Variants in IL31RA observed in about 807,000 individuals in gnomAD.
IL31RA encodes the protein interleukin-31 receptor subunit alpha.
A neutral mutation model predicts 83.7 loss-of-function variants in IL31RA; 66 were observed. The observed-to-expected ratio is 0.79, with a 90% confidence interval of 0.65 to 0.97. IL31RA has a LOEUF of 0.97. IL31RA is among the 50% of genes least tolerant of loss of function. The pLI is 0.00. For missense variants in IL31RA, 798 were observed against 919.4 expected (o/e 0.87, Z 1.71); for synonymous variants, 325 against 329.0 (o/e 0.99, Z 0.13).
At chr5:55,908,698 TC>T in intron 11 of IL31RA, 2 of 1,462,938 alleles carry the variant, frequency 1.4e-6, no homozygotes, top group South Asian at 2.8e-5. Flanking sequence ...TCCCGGGAGC[TC>T]CCCGACCATC....
chr5:55,900,507 T>C (rs1400889947), intron 8 of IL31RA, among the ~76,000 whole-genome samples: 1 of 152,208 alleles, frequency 6.6e-6, no homozygotes, highest in Non-Finnish European at 1.5e-5. Flanking sequence ...TGAACTCTTC[T>C]CCCCACAAAT....
Position 55,872,515 on chromosome 5 carries a change from A to G in IL31RA, c.454+64A>G, listed in dbSNP as rs968931665. 122 of 1,194,526 alleles carry G rather than the reference A, an allele frequency of 1.0e-4. 1 individual carries two copies. The African/African-American group carries it at 1.7e-3, about 17-fold the overall frequency. The allele number at this position is 1,194,526 out of a possible 1,614,324, so 74.0% of individuals were successfully genotyped here. On this transcript the variant is annotated intron_variant, in intron 4 of 14. Transcript: ENST00000652347. ...ATGTTTACCTCCTTCTCTGTTCAAGAGGTATCTGTGGACTCAAAAGTAGGC... is the reference window on the plus strand; with the variant it reads ...ATGTTTACCTCCTTCTCTGTTCAAGGGGTATCTGTGGACTCAAAAGTAGGC...
chr5:55,922,140 G>T lies in IL31RA; in HGVS notation c.*5020G>T, dbSNP rs974703883. 6.6e-6 allele frequency among the ~76,000 whole-genome samples: 1 copy of T among 151,888 alleles called. No individual in the cohort carries two copies. The highest frequency in any genetic ancestry group is 1.5e-5 in the Non-Finnish European group (1 of 67,988). ...TCCTTTGGACACTGGGGTCAGTGGGGAGAGAGTTTGCTCCGAAGCACAAAC... is the reference window on the plus strand; with the variant it reads ...TCCTTTGGACACTGGGGTCAGTGGGTAGAGAGTTTGCTCCGAAGCACAAAC... On this transcript the variant is annotated 3_prime_UTR_variant, in exon 15 of 15. Coordinates refer to ENST00000652347, the MANE Select transcript of IL31RA (RefSeq NM_139017.7).
chr5:55,864,201 C>T (rs1456541446), intron 2 of IL31RA, among the ~76,000 whole-genome samples: 2 of 151,872 alleles, frequency 1.3e-5, no homozygotes, highest in Non-Finnish European at 2.9e-5. Context: ...CGAGTATGAG[C>T]GAAATGGGGG....
intron 2 of IL31RA, among the ~76,000 whole-genome samples, chr5:55,867,213 A>ATG (rs1365978131): frequency 3.1e-5 from 2 of 64,626 alleles, no homozygotes; most frequent in African/African-American, 1.2e-4. Flanking sequence ...GTGTGTGCGC[A>ATG]TGTGTGTTTG....
intron 2 of IL31RA, among the ~76,000 whole-genome samples, chr5:55,867,856 A>G (rs897534308): frequency 3.3e-5 from 5 of 152,150 alleles, no homozygotes; most frequent in African/African-American, 1.2e-4. Flanking sequence ...CTTATTTACT[A>G]TCATGAGAAT....
intron 9 of IL31RA, 151 bp downstream of exon 9, chr5:55,906,439 T>A: frequency 1.3e-6 from 1 of 798,872 alleles, no homozygotes; most frequent in East Asian, 2.7e-5. Context: ...ACACGCTTCT[T>A]GGTATTTCCA....
rs972570635 is a variant in IL31RA at position 55,873,832 on chromosome 5, C to T, written c.454+1381C>T. 2.6e-5 allele frequency among the ~76,000 whole-genome samples: 4 copies of T among 151,962 alleles called. No homozygotes were observed. In the South Asian group the frequency reaches 8.3e-4, roughly 32 times the overall value. On this transcript the variant is annotated intron_variant, in intron 4 of 14. Transcript: ENST00000652347. ...GATATGTAATTTGCAAATATTTCCT[C>T]CCTGTTTGTGGGTTTTCTTTTACTT...
intron 5 of IL31RA, among the ~76,000 whole-genome samples, chr5:55,886,268 C>CTTGCTTTTTTTTTTTTTTTTTTTT (rs1235138364): frequency 1.3e-4 from 9 of 71,500 alleles, no homozygotes; most frequent in African/African-American, 3.6e-4. Context: ...TGCTTGCTTG[C>CTTGCTTTTTTTTTTTTTTTTTTTT]TTTTTTTTTT....
chr5:55,913,719 A>G lies in IL31RA; in HGVS notation c.1736+149A>G. Reference sequence around the variant, plus strand: ...GGTGCGTATTTATTGAGGTTATTAAAGGCCACGCTCAGTGGCTCACCGGAA... The same window carrying G: ...GGTGCGTATTTATTGAGGTTATTAAGGGCCACGCTCAGTGGCTCACCGGAA... On this transcript the variant is annotated intron_variant, in intron 13 of 14. Coordinates refer to ENST00000652347, the MANE Select transcript of IL31RA (RefSeq NM_139017.7). The G allele has an allele frequency of 5.7e-6, 4 of 705,988 alleles. No homozygotes were observed. In the South Asian group the frequency reaches 6.0e-5, roughly 11 times the overall value. The allele number at this position is 705,988 out of a possible 1,614,324, so 43.7% of individuals were successfully genotyped here.
chr5:55,905,263 G>A (rs10043068), intron 8 of IL31RA, among the ~76,000 whole-genome samples: 19,804 of 151,872 alleles, frequency 0.13, 1,592 homozygotes, highest in Middle Eastern at 0.24. Flanking sequence ...CCATGGATTC[G>A]AGTTTTGCAG....
chr5:55,913,595 G>T, intron 13 of IL31RA, 25 bp downstream of exon 13: 2 of 1,491,828 alleles, frequency 1.3e-6, no homozygotes, highest in Non-Finnish European at 1.9e-6. Context: ...AACAGTGGGT[G>T]CCTTAAAAAT....
In IL31RA at chr5:55,871,222, C is replaced by CCA. The variant is rs571293828; in HGVS notation, c.273-1046_273-1045dup. 2.3e-3 allele frequency among the ~76,000 whole-genome samples: 351 copies of CCA among 152,348 alleles called. 1 individual carries two copies. The highest frequency in any genetic ancestry group is 7.6e-3 in the African/African-American group (315 of 41,578). The stretch of plus-strand genomic sequence containing the variant: ...CTGATTCTAGAACCTGTGCTTATAA[C>CCA]CACGACACATTGCCCTGGAGGCCAT... On this transcript the variant is annotated intron_variant, in intron 3 of 14. Coordinates refer to ENST00000652347, the MANE Select transcript of IL31RA (RefSeq NM_139017.7).
chr5:55,908,621 G>A, intron 11 of IL31RA: 1 of 1,549,468 alleles, frequency 6.5e-7, no homozygotes, highest in Non-Finnish European at 8.7e-7. Flanking sequence ...GACAGTACCT[G>A]AGAGGAGAGT....
chr5:55,855,313 T>TAAAA (rs1554083864), intron 1 of IL31RA, among the ~76,000 whole-genome samples: 1 of 94,940 alleles, frequency 1.1e-5, no homozygotes, highest in African/African-American at 3.2e-5. Flanking sequence ...TCAGATAATT[T>TAAAA]AAAATATATA....
chr5:55,901,490 T>A (rs148157808), intron 8 of IL31RA, among the ~76,000 whole-genome samples: 73 of 152,270 alleles, frequency 4.8e-4, no homozygotes, highest in Non-Finnish European at 5.6e-4. Flanking sequence ...AAAATGGAGC[T>A]ATTATATAAT....
rs760910512 is a variant in IL31RA, at chr5:55,908,314, G to A, written c.1404G>A (p.Thr468=). The part of the protein sequence containing the change: ...ETKVENIGVK[T]VTITWKEIPK... ...AGGTGGAGAACATTGGCGTGAAGAC[G>A]GTCACGATCACATGGAAAGAGATTC... Residue 468 remains threonine (T), a synonymous_variant, in exon 11 of 15, where the codon ACG becomes ACA. Coordinates refer to ENST00000652347, the MANE Select transcript of IL31RA (RefSeq NM_139017.7). 1.9e-5 allele frequency: 30 copies of A among 1,614,008 alleles called. No homozygotes were observed. Among genetic ancestry groups the A allele is most frequent in the South Asian group, 1.5e-4 (14 of 91,080 alleles).
In IL31RA at chr5:55,914,059, C is replaced by A. The variant is rs998609155; in HGVS notation, c.1736+489C>A. Among the ~76,000 whole-genome samples, 3 of 152,136 alleles carry A rather than the reference C, an allele frequency of 2.0e-5. No individual in the cohort carries two copies. In the East Asian group the frequency reaches 5.8e-4, roughly 29 times the overall value. Reference sequence around the variant, plus strand: ...AGTGTTGAGGGTCTGGCTGCAGGGGCCTTTAACCTGCTTGCCCTGGCCACT... The same window carrying A: ...AGTGTTGAGGGTCTGGCTGCAGGGGACTTTAACCTGCTTGCCCTGGCCACT... On this transcript the variant is annotated intron_variant, in intron 13 of 14. Transcript: ENST00000652347.
chr5:55,878,913 A>G (rs1474676208), intron 4 of IL31RA, among the ~76,000 whole-genome samples: 1 of 151,948 alleles, frequency 6.6e-6, no homozygotes, highest in Non-Finnish European at 1.5e-5. Context: ...CAGCCTTTCA[A>G]AGTGTTGGGA....
Sources: gnomAD v4.1 joint callset for allele counts (sites outside exome capture counted in the v4.1 genomes callset) on GRCh38, gnomAD v4.1.1 for gene constraint, MANE v1.5 for transcripts, NCBI Gene and HGNC (gene_info 2026-07-23, HGNC 2026-07-21) for gene names.